The following NUP188 variants were observed in gnomAD, a reference collection of about 807,000 sequenced individuals.
NUP188 encodes nucleoporin 188.
NUP188 carries 97 observed loss-of-function variants against 223.0 expected under a neutral mutation model. The ratio of observed to expected loss-of-function variants is 0.43; its 90% CI spans 0.37 to 0.51. The LOEUF (loss-of-function observed/expected upper bound fraction) is 0.51, where lower values mean the gene tolerates loss of function less well. Among genes scored for constraint, NUP188 ranks in the 20% least tolerant of loss-of-function variants. The pLI is 0.00. For missense variants in NUP188, 1,947 were observed against 2,175.6 expected, an observed-to-expected ratio of 0.89 and a Z score of 2.09; for synonymous variants, 869 against 828.0, an observed-to-expected ratio of 1.05 and a Z score of -0.85.
At chr9:128,974,298 T>C (rs1378984785) in intron 12 of NUP188, among the ~76,000 whole-genome samples, 1 of 151,916 alleles carries the variant, frequency 6.6e-6, no homozygotes, top group African/African-American at 2.4e-5. Flanking sequence ...TTCCCAAATA[T>C]ATACCGTTTT....
At chr9:128,990,094 C>T in intron 24 of NUP188, 26 bp from the exon 25 acceptor site, 1 of 1,546,168 alleles carries the variant, frequency 6.5e-7, no homozygotes, top group Non-Finnish European at 8.9e-7. Flanking sequence ...CACTTGATAT[C>T]TAAACTGTTT....
At chr9:129,004,805 ATCT>A (rs1456670850) in intron 38 of NUP188, 6 of 290,892 alleles carry the variant, frequency 2.1e-5, no homozygotes, top group Non-Finnish European at 3.9e-5. Flanking sequence ...ACCCGGCCTC[ATCT>A]TCTTTACTTT....
intron 2 of NUP188, among the ~76,000 whole-genome samples, chr9:128,952,257 G>A (rs1841799824): frequency 6.6e-6 from 1 of 152,114 alleles, no homozygotes; most frequent in Non-Finnish European, 1.5e-5. Context: ...AAAACTGACT[G>A]GCATGGTGGC....
At chr9:128,981,214 C>T (rs2131165322) in intron 14 of NUP188, 50 bp from the exon 15 acceptor site, 1 of 1,599,514 alleles carries the variant, frequency 6.3e-7, no homozygotes, top group Non-Finnish European at 8.5e-7. Context: ...TGGGACCTCT[C>T]CTTGCTTATC....
chr9:128,967,694 G>A (rs1842050226), intron 8 of NUP188, among the ~76,000 whole-genome samples: 1 of 152,104 alleles, frequency 6.6e-6, no homozygotes, highest in South Asian at 2.1e-4. Flanking sequence ...GGAGGCTGAG[G>A]CAGGAGAATT....
chr9:128,948,172 C>T (rs1841718088), intron 1 of NUP188: 2 of 167,044 alleles, frequency 1.2e-5, no homozygotes, highest in Admixed American at 6.4e-5. Context: ...GCCCCGGCGT[C>T]GAGTGCGCCC....
rs1842241168 is a variant in NUP188 at position 128,980,646 on chromosome 9, G to C, written c.1310G>C (p.Cys437Ser). ...SGLGIILDSVCGMFPHLLSPL... is the reference protein window; with the variant it reads ...SGLGIILDSVSGMFPHLLSPL... ...CTTGGGATCATTCTGGACAGTGTGT[G>C]TGGAATGTTTCCCCACCTTCTCTCC... The change falls in exon 14 of 44, where the codon TGT (cysteine) becomes TCT (serine). Residue 437 changes from cysteine (C) to serine (S), a missense_variant. Coordinates refer to ENST00000372577, the MANE Select transcript of NUP188 (RefSeq NM_015354.3). 2 of 1,614,176 alleles carry C rather than the reference G, an allele frequency of 1.2e-6. No homozygotes were observed. Among genetic ancestry groups the C allele is most frequent in the Non-Finnish European group, 1.7e-6 (2 of 1,180,020 alleles).
At chr9:128,997,918 A>G (rs1044955080) in intron 30 of NUP188, among the ~76,000 whole-genome samples, 4 of 151,652 alleles carry the variant, frequency 2.6e-5, no homozygotes, top group African/African-American at 9.7e-5. Flanking sequence ...ACAGGGTTCC[A>G]CCGTGTTGGC....
chr9:128,956,903 C>G (rs1564550265), intron 4 of NUP188, 49 bp from the exon 5 acceptor site: 1 of 1,277,266 alleles, frequency 7.8e-7, no homozygotes, highest in Non-Finnish European at 1.1e-6. Flanking sequence ...TCTCTGCATC[C>G]TGTGTGCGAT....
chr9:129,003,617 A>G (rs1389646783), intron 38 of NUP188, 163 bp downstream of exon 38: 1 of 845,648 alleles, frequency 1.2e-6, no homozygotes, highest in Admixed American at 2.0e-5. Context: ...CTCTGGCTAA[A>G]TGTTTCCTTC....
chr9:128,970,683 C>A, intron 10 of NUP188, 75 bp from the exon 11 acceptor site: 1 of 1,254,604 alleles, frequency 8.0e-7, no homozygotes, highest in Non-Finnish European at 1.2e-6. Flanking sequence ...GCTTATTGAG[C>A]GTGATGAAGA....
At chr9:128,958,767 G>A (rs1841904355) in intron 6 of NUP188, 35 bp from the exon 7 acceptor site, 2 of 1,253,122 alleles carry the variant, frequency 1.6e-6, no homozygotes, top group South Asian at 2.8e-5. Flanking sequence ...TATGTGCAAA[G>A]GTGAGTAACT....
At position 129,006,328 on chromosome 9, in the gene NUP188, G is replaced by A. The variant is rs962889500; in HGVS notation, c.5033G>A (p.Arg1678Gln). ...RYLRDPAVHP[R>Q]DKQRMKQELS... ...CTTAGGGACCCGGCTGTGCACCCCC[G>A]GGACAAACAGCGGATGAAGCAGGAG... is the stretch of plus-strand genomic sequence containing the variant. The change falls in exon 43 of 44, where the codon CGG becomes CAG. Residue 1678 changes from arginine (R) to glutamine (Q), a missense_variant. By Grantham distance (43) the Arg-to-Gln change is conservative (BLOSUM62 1). Around this residue, in one of 3 missense-constraint regions of NUP188, gnomAD observed 905 missense variants for 990.6 expected, o/e 0.91. Coordinates refer to ENST00000372577, the MANE Select transcript of NUP188 (RefSeq NM_015354.3). The A allele has an allele frequency of 3.1e-6, 5 of 1,614,132 alleles. No individual in the cohort carries two copies. Among genetic ancestry groups the A allele is most frequent in the Middle Eastern group, 1.6e-4 (1 of 6,062 alleles).
At chr9:128,950,412 G>T (rs910562501) in intron 2 of NUP188, among the ~76,000 whole-genome samples, 1 of 151,930 alleles carries the variant, frequency 6.6e-6, no homozygotes, top group Non-Finnish European at 1.5e-5. Context: ...GTAGAGATGG[G>T]GTTTCACCAT....
chr9:128,980,760 G>C (rs1302695907), intron 14 of NUP188, 35 bp downstream of exon 14: 5 of 1,606,168 alleles, frequency 3.1e-6, no homozygotes, highest in African/African-American at 1.3e-5. Flanking sequence ...AAGAGAATGG[G>C]AGATTCTTTA....
chr9:129,000,868 C>T (rs376557381), intron 34 of NUP188, among the ~76,000 whole-genome samples: 18 of 151,530 alleles, frequency 1.2e-4, no homozygotes, highest in East Asian at 6.0e-4. Context: ...GAAACCCTGT[C>T]TCTATGAAAA....
chr9:128,959,891 A>G (rs1385490563), intron 8 of NUP188, among the ~76,000 whole-genome samples: 2 of 152,090 alleles, frequency 1.3e-5, no homozygotes, highest in African/African-American at 4.8e-5. Flanking sequence ...CAAAATATTG[A>G]TGACATTAAT....
At chr9:128,972,239 C>T (rs1420551631) in intron 11 of NUP188, among the ~76,000 whole-genome samples, 1 of 152,130 alleles carries the variant, frequency 6.6e-6, no homozygotes, top group Non-Finnish European at 1.5e-5. Context: ...TGTTGTACAT[C>T]TAGATGATGG....
In NUP188 at chr9:128,949,648, G is replaced by A. The variant is rs1189603792; in HGVS notation, c.87+405G>A. 2.0e-5 allele frequency among the ~76,000 whole-genome samples: 3 copies of A among 151,620 alleles called. No individual in the cohort carries two copies. The East Asian group carries it at 5.8e-4, about 29-fold the overall frequency. On this transcript the variant is annotated intron_variant, in intron 2 of 43. Transcript: ENST00000372577. ...CACCTGGCCTATTTATTTATTTTGA[G>A]ATGGAGTTTCACTCTTGTTACCCAG...
Sources: allele counts gnomAD v4.1 joint callset (sites outside exome capture counted in the v4.1 genomes callset), GRCh38; gene constraint gnomAD v4.1.1; regional missense constraint gnomAD v4.1.1; transcripts MANE v1.5; gene names NCBI Gene and HGNC (gene_info 2026-07-23, HGNC 2026-07-21).